Variants in P2RX2 observed in about 807,000 individuals in gnomAD.
P2RX2 encodes purinergic receptor P2X 2, also known as P2X purinoceptor 2.
A neutral mutation model predicts 54.8 loss-of-function variants in P2RX2; 50 were observed. The observed-to-expected ratio is 0.91, with a 90% confidence interval of 0.73 to 1.15. The LOEUF (loss-of-function observed/expected upper bound fraction) is 1.15, where lower values mean the gene tolerates loss of function less well. P2RX2 is among the 50% of genes most tolerant of loss of function. P2RX2 has a pLI of 0.00. For missense variants in P2RX2, 658 were observed against 633.2 expected (o/e 1.04, Z -0.42); for synonymous variants, 289 against 259.4 (o/e 1.11, Z -1.09).
At position 132,619,719 on chromosome 12, in the gene P2RX2, C is replaced by T; in HGVS notation, c.350C>T (p.Thr117Ile). Reference protein sequence around the residue: ...VFSIITRVEATHSQTQGTCPE... With the variant: ...VFSIITRVEAIHSQTQGTCPE... ...AGCATCATCACCAGGGTCGAGGCCA[C>T]CCACTCCCAGACCCAGGGAACCTGC... Residue 117 changes from threonine to isoleucine, a missense_variant, in exon 3 of 11, where the codon ACC (threonine) becomes ATC (isoleucine). By Grantham distance (89) the Thr-to-Ile change is moderately conservative (BLOSUM62 -1). Coordinates refer to ENST00000643471, the MANE Select transcript of P2RX2 (RefSeq NM_170682.4). 2 of 1,606,442 alleles carry T rather than the reference C, an allele frequency of 1.2e-6. No homozygotes were observed. Among genetic ancestry groups the T allele is most frequent in the Non-Finnish European group, 1.7e-6 (2 of 1,176,430 alleles).
intron 8 of P2RX2, 46 bp from the exon 9 acceptor site, chr12:132,621,209 G>T (rs747238517): frequency 2.3e-5 from 37 of 1,613,826 alleles, no homozygotes; most frequent in Non-Finnish European, 2.0e-5. Context: ...CTGTGGGGCA[G>T]CCCTGGAGTG....
chr12:132,621,790 G>GACCA lies in P2RX2; in HGVS notation c.1235_1238dup (p.His414ProfsTer34). 6.2e-7 allele frequency: 1 copy of GACCA among 1,602,740 alleles called. No homozygotes were observed. The highest frequency in any genetic ancestry group is 8.5e-7 in the Non-Finnish European group (1 of 1,173,350). On this transcript the variant is annotated frameshift_variant, in exon 11 of 11. Coordinates refer to ENST00000643471, the MANE Select transcript of P2RX2 (RefSeq NM_170682.4). LOFTEE classifies it high-confidence loss of function. ...TCCCGAACCCGGCCACCGCTCCGAG[G>GACCA]ACCAGCACCCCAGCCCTCCATCAGG...
In P2RX2 at chr12:132,620,731, C is replaced by T. The variant is rs140479680; in HGVS notation, c.774+148C>T. ...AGAAATGCGATCAGCGCAACCCATC[C>T]GGTGTGGCGCTTGCTGAATTATTGA... On this transcript the variant is annotated intron_variant, in intron 7 of 10. Transcript: ENST00000643471. The T allele has an allele frequency of 3.9e-4, 414 of 1,064,042 alleles. No homozygotes were observed. The African/African-American group carries it at 5.6e-3, about 14-fold the overall frequency. The allele number at this position is 1,064,042 out of a possible 1,614,324, so 65.9% of individuals were successfully genotyped here. A position where few individuals can be genotyped will look rare whatever the true frequency, so the allele number is the denominator to read the frequency against.
chr12:132,619,357 CGGGA>C, intron 1 of P2RX2, 78 bp from the exon 2 acceptor site: 1 of 1,525,444 alleles, frequency 6.6e-7, no homozygotes, highest in African/African-American at 1.4e-5. Flanking sequence ...ACCCGGGTCG[CGGGA>C]GGGCCCCTGC....
Position 132,619,489 on chromosome 12 carries a change from A to G in P2RX2, c.224A>G (p.Glu75Gly), listed in dbSNP as rs1378403948. 6.2e-7 allele frequency: 1 copy of G among 1,612,622 alleles called. No homozygotes were observed. Among genetic ancestry groups the G allele is most frequent in the East Asian group, 2.2e-5 (1 of 44,816 alleles). ...KSYQESETGP[E>G]SSIITKVKGI... ...TACCAGGAGAGCGAGACGGGCCCCG[A>G]GAGCTCCATCATCACCAAGGTCAAG... The change falls in exon 2 of 11, where the codon GAG becomes GGG. Residue 75 changes from glutamate (E) to glycine (G), a missense_variant. By Grantham distance (98) the Glu-to-Gly change is moderately conservative. Transcript: ENST00000643471.
In P2RX2 at chr12:132,618,966, G is replaced by A. The variant is rs2041494738; in HGVS notation, c.150G>A (p.Leu50=). ...GGGTCCTGTACCGCGCCGTGCAGCT[G>A]CTCATCCTGCTCTACTTCGTGTGGT... is the stretch of plus-strand genomic sequence containing the variant. The part of the protein sequence containing the change: ...RLGVLYRAVQ[L]LILLYFVWYV... The change falls in exon 1 of 11, where the codon CTG becomes CTA. Residue 50 remains leucine, a synonymous_variant. Coordinates refer to ENST00000643471, the MANE Select transcript of P2RX2 (RefSeq NM_170682.4). 1 of 1,296,146 alleles carries A rather than the reference G, an allele frequency of 7.7e-7. No homozygotes were observed. Among genetic ancestry groups the A allele is most frequent in the Non-Finnish European group, 9.9e-7 (1 of 1,012,332 alleles). 80.3% of individuals were successfully genotyped at this position (1,296,146 alleles called of 1,614,324 possible). A position where few individuals can be genotyped will look rare whatever the true frequency, so the allele number is the denominator to read the frequency against.
chr12:132,620,180 G>A, intron 5 of P2RX2, 84 bp downstream of exon 5: 1 of 1,498,692 alleles, frequency 6.7e-7, no homozygotes, highest in Non-Finnish European at 9.2e-7. Flanking sequence ...GGGCAGGAGT[G>A]ACAAGATCTG....
rs1353166905 is a variant in P2RX2 at position 132,621,856 on chromosome 12, C to T, written c.1300C>T (p.Pro434Ser). ...QQGAECGPAF[P>S]PLRPCPISAP... is the part of the protein sequence containing the mutation. The stretch of plus-strand genomic sequence containing the variant: ...AGGGGCAGAGTGTGGCCCAGCCTTC[C>T]CGCCCCTGCGGCCTTGCCCCATCTC... The change falls in exon 11 of 11, where the codon CCG becomes TCG. Residue 434 changes from proline (P) to serine (S), a missense_variant. Coordinates refer to ENST00000643471, the MANE Select transcript of P2RX2 (RefSeq NM_170682.4). 6.2e-7 allele frequency: 1 copy of T among 1,612,916 alleles called. No homozygotes were observed. Among genetic ancestry groups the T allele is most frequent in the Non-Finnish European group, 8.5e-7 (1 of 1,179,716 alleles).
In P2RX2 at chr12:132,622,352, T is replaced by A; in HGVS notation, c.*380T>A. ...TCTGCCCAGACTCTTCCCTTAGAAG[T>A]CACAACATACTCAGTCCAATAAACC... On this transcript the variant is annotated 3_prime_UTR_variant, in exon 11 of 11. Transcript: ENST00000643471. 2.2e-6 allele frequency: 1 copy of A among 459,664 alleles called. No homozygotes were observed. Among genetic ancestry groups the A allele is most frequent in the Non-Finnish European group, 3.2e-6 (1 of 313,010 alleles). The allele number at this position is 459,664 out of a possible 1,614,324, so 28.5% of individuals were successfully genotyped here. A position where few individuals can be genotyped will look rare whatever the true frequency, so the allele number is the denominator to read the frequency against.
chr12:132,622,101 C>A lies in P2RX2; in HGVS notation c.*129C>A. The A allele has an allele frequency of 6.6e-7, 1 of 1,525,830 alleles. No individual in the cohort carries two copies. The allele number at this position is 1,525,830 out of a possible 1,614,324, so 94.5% of individuals were successfully genotyped here. ...TCCACGAAACGGGGCACCACAGGAT[C>A]CCTGTGCAAGGGCTGGGGGCACGCT... On this transcript the variant is annotated 3_prime_UTR_variant, in exon 11 of 11. Transcript: ENST00000643471.
rs1275919121 is a variant in P2RX2 at position 132,620,486 on chromosome 12, G to T, written c.677G>T (p.Cys226Phe). Reference protein sequence around the residue: ...ADRTDGYLKRCTFHEASDLYC... With the variant: ...ADRTDGYLKRFTFHEASDLYC... ...CGCACAGACGGGTACCTGAAGCGCT[G>T]CACGTTCCACGAGGCCTCCGACCTC... The change falls in exon 7 of 11, where the codon TGC becomes TTC. Residue 226 changes from cysteine (C) to phenylalanine (F), a missense_variant. By Grantham distance (205) the Cys-to-Phe change is radical (BLOSUM62 -2). Transcript: ENST00000643471. 6.2e-7 allele frequency: 1 copy of T among 1,614,054 alleles called. No homozygotes were observed. Among genetic ancestry groups the T allele is most frequent in the Admixed American group, 1.7e-5 (1 of 60,030 alleles).
chr12:132,619,009 CGGGG>C lies in P2RX2; in HGVS notation c.173+21_173+24del. ...CGTGTGGTGCGCGGGGCGCGGGGTG[CGGGG>C]CGCGGGGTGCGGGGCGCAGGGGAGG... On this transcript the variant is annotated intron_variant, in intron 1 of 10. Transcript: ENST00000643471. 9.6e-7 allele frequency: 1 copy of C among 1,043,992 alleles called. No homozygotes were observed. Among genetic ancestry groups the C allele is most frequent in the Non-Finnish European group, 1.2e-6 (1 of 827,672 alleles). The allele number at this position is 1,043,992 out of a possible 1,614,324, so 64.7% of individuals were successfully genotyped here. A position where few individuals can be genotyped will look rare whatever the true frequency, so the allele number is the denominator to read the frequency against.
rs758078006 is a variant in P2RX2 at position 132,619,930 on chromosome 12, G to A, written c.457+11G>A. 5.0e-6 allele frequency: 6 copies of A among 1,205,080 alleles called. No homozygotes were observed. Among genetic ancestry groups the A allele is most frequent in the African/African-American group, 3.0e-5 (2 of 66,646 alleles). The allele number at this position is 1,205,080 out of a possible 1,614,324, so 74.6% of individuals were successfully genotyped here. ...ACATGCTGGGAAACGGTCGGTGTGC[G>A]CCAGCTGGGGCTGGGCGGGTGGGGC... On this transcript the variant is annotated intron_variant, in intron 4 of 10. Transcript: ENST00000643471.
At position 132,620,619 on chromosome 12, in the gene P2RX2, G is replaced by T. The variant is rs762784410; in HGVS notation, c.774+36G>T. 2.5e-6 allele frequency: 4 copies of T among 1,600,014 alleles called. No homozygotes were observed. The African/African-American group carries it at 5.3e-5, about 21-fold the overall frequency. On this transcript the variant is annotated intron_variant, in intron 7 of 10. Coordinates refer to ENST00000643471, the MANE Select transcript of P2RX2 (RefSeq NM_170682.4). ...CGCAGGCAGGGTGGGGCCAGGGTGGGCTCCCACCTGCACAGAGAGGGCCTG... is the reference window on the plus strand; with the variant it reads ...CGCAGGCAGGGTGGGGCCAGGGTGGTCTCCCACCTGCACAGAGAGGGCCTG...
Position 132,621,769 on chromosome 12 carries a change from G to T in P2RX2, c.1213G>T (p.Glu405Ter), listed in dbSNP as rs755760731. ...LARVLGQAPP[E>*]PGHRSEDQHP... ...CCGTGTATTGGGCCAGGCCCCTCCC[G>T]AACCCGGCCACCGCTCCGAGGACCA... Residue 405 changes from glutamate (E) to a stop codon, truncating the protein, a stop_gained, in exon 11 of 11, where the codon GAA becomes TAA. Coordinates refer to ENST00000643471, the MANE Select transcript of P2RX2 (RefSeq NM_170682.4). LOFTEE classifies it high-confidence loss of function. 2 of 1,601,104 alleles carry T rather than the reference G, an allele frequency of 1.2e-6. No homozygotes were observed. Among genetic ancestry groups the T allele is most frequent in the Non-Finnish European group, 1.7e-6 (2 of 1,172,372 alleles).
In P2RX2 at chr12:132,621,273, G is replaced by A; in HGVS notation, c.924G>A (p.Lys308=). The A allele has an allele frequency of 6.2e-7, 1 of 1,614,072 alleles. No homozygotes were observed. The highest frequency in any genetic ancestry group is 8.5e-7 in the Non-Finnish European group (1 of 1,179,980). The change falls in exon 9 of 11, where the codon AAG becomes AAA. Residue 308 remains lysine, a synonymous_variant. Coordinates refer to ENST00000643471, the MANE Select transcript of P2RX2 (RefSeq NM_170682.4). ...ATTGCAGGTTTGCCAAATACTACAA[G>A]ATCAATGGCACCACCACCCGCACGC... is the stretch of plus-strand genomic sequence containing the variant. The part of the protein sequence containing the change: ...GYNFRFAKYY[K]INGTTTRTLI...
rs1194504710 is a variant in P2RX2, at chr12:132,621,474, G to A, written c.997-1G>A. On this transcript the variant is annotated splice_acceptor_variant, in intron 9 of 10. Coordinates refer to ENST00000643471, the MANE Select transcript of P2RX2 (RefSeq NM_170682.4). LOFTEE classifies it high-confidence loss of function. ...CTGACCACGACCCCCATTCTCCCCA[G>A]GCCGGGAAGTTCAGCCTGATTCCCA... The A allele has an allele frequency of 6.4e-7, 1 of 1,566,482 alleles. No homozygotes were observed. The highest frequency in any genetic ancestry group is 1.8e-5 in the Admixed American group (1 of 55,388).
rs761621258 is a variant in P2RX2 at position 132,621,114 on chromosome 12, G to A, written c.888G>A (p.Ser296=). 1.3e-4 allele frequency: 206 copies of A among 1,613,960 alleles called. 1 individual carries two copies. Among genetic ancestry groups the A allele is most frequent in the Middle Eastern group, 3.3e-4 (2 of 6,084 alleles). The change falls in exon 8 of 11, where the codon TCG becomes TCA. Residue 296 remains serine (S), a synonymous_variant. Transcript: ENST00000643471. The part of the protein sequence containing the change: ...RRLDPKHVPA[S]SGYNFRFAKY... ...TTGACCCCAAGCACGTGCCTGCCTC[G>A]TCAGGCTACAACTTCAGGTGCTGTA... is the stretch of plus-strand genomic sequence containing the variant.
intron 6 of P2RX2, 26 bp downstream of exon 6, chr12:132,620,373 GC>G (rs1566294799): frequency 6.2e-7 from 1 of 1,613,500 alleles, no homozygotes; most frequent in Admixed American, 1.7e-5. Flanking sequence ...TGTGGTGACG[GC>G]CCAGCCTGAG....
Sources: gnomAD v4.1 joint callset for allele counts on GRCh38, gnomAD v4.1.1 for gene constraint, MANE v1.5 for transcripts, NCBI Gene and HGNC (gene_info 2026-07-23, HGNC 2026-07-21) for gene names.